The following ZZZ3 variants were observed in gnomAD, a reference collection of about 807,000 sequenced individuals.
The protein encoded by ZZZ3 is ZZ-type zinc finger-containing protein 3.
In ZZZ3, 22 loss-of-function variants were observed where a neutral mutation model predicts 95.2. The ratio of observed to expected loss-of-function variants is 0.23; its 90% CI spans 0.17 to 0.33. The LOEUF (loss-of-function observed/expected upper bound fraction) is 0.33, where lower values mean the gene tolerates loss of function less well. Ranked by LOEUF, ZZZ3 falls within the 10% of genes least tolerant of loss-of-function variation. The pLI is 1.00. For missense variants in ZZZ3, 885 were observed against 1,066.5 expected, an observed-to-expected ratio of 0.83 and a Z score of 2.37; for synonymous variants, 335 against 358.9, an observed-to-expected ratio of 0.93 and a Z score of 0.75.
At chr1:77,643,854 T>A (rs1669005242) in intron 1 of ZZZ3, among the ~76,000 whole-genome samples, 1 of 152,156 alleles carries the variant, frequency 6.6e-6, no homozygotes, top group Non-Finnish European at 1.5e-5. Flanking sequence ...CTCAGGCAAA[T>A]TATTTTTTAG....
chr1:77,682,168 A>T (rs1350817523), intron 1 of ZZZ3, among the ~76,000 whole-genome samples: 2 of 152,232 alleles, frequency 1.3e-5, no homozygotes, highest in African/African-American at 4.8e-5. Flanking sequence ...AATGACACCC[A>T]GAGAAAATAG....
At position 77,564,593 on chromosome 1, in the gene ZZZ3, TAAG is replaced by T. The variant is rs1321396769; in HGVS notation, c.*1044_*1046del. 12 of 152,598 alleles carry T rather than the reference TAAG, an allele frequency of 7.9e-5. No individual in the cohort carries two copies. Among genetic ancestry groups the T allele is most frequent in the Non-Finnish European group, 1.2e-4 (8 of 68,000 alleles). 9.5% of individuals were successfully genotyped at this position (152,598 alleles called of 1,614,324 possible). A position where few individuals can be genotyped will look rare whatever the true frequency, so the allele number is the denominator to read the frequency against. On this transcript the variant is annotated 3_prime_UTR_variant, in exon 15 of 15. Coordinates refer to ENST00000370801, the MANE Select transcript of ZZZ3 (RefSeq NM_015534.6). ...TTCAAGAACATACTGTATACACAGATAAGAAGAAACATACAAAATGTTTTAAAT... is the reference window on the plus strand; with the variant it reads ...TTCAAGAACATACTGTATACACAGATAAGAAACATACAAAATGTTTTAAAT...
rs1177347707 is a variant in ZZZ3 at position 77,562,558 on chromosome 1, T to C, written c.*3082A>G. 6.6e-6 allele frequency: 1 copy of C among 152,238 alleles called. No individual in the cohort carries two copies. Among genetic ancestry groups the C allele is most frequent in the African/African-American group, 2.4e-5 (1 of 41,464 alleles). 9.4% of individuals were successfully genotyped at this position (152,238 alleles called of 1,614,324 possible). A position where few individuals can be genotyped will look rare whatever the true frequency, so the allele number is the denominator to read the frequency against. On this transcript the variant is annotated 3_prime_UTR_variant, in exon 15 of 15. Transcript: ENST00000370801. The stretch of plus-strand genomic sequence containing the variant: ...TTTTCAAATGTTCATACCTAGTAAA[T>C]TTTTGTGTTCTGTGAATCAATTTAA...
intron 5 of ZZZ3, among the ~76,000 whole-genome samples, chr1:77,605,769 C>G (rs557775130): frequency 1.3e-5 from 2 of 152,226 alleles, no homozygotes; most frequent in East Asian, 3.9e-4. Context: ...AGGGAAGGAA[C>G]CAGTCCTGGC....
At chr1:77,565,900 C>T (rs2100444632) in intron 14 of ZZZ3, 116 bp from the exon 15 acceptor site, 2 of 1,247,834 alleles carry the variant, frequency 1.6e-6, no homozygotes, top group Non-Finnish European at 1.1e-6. Flanking sequence ...TCAAAATCTC[C>T]AACGGAAAGT....
chr1:77,675,600 T>C (rs890101772), intron 1 of ZZZ3, among the ~76,000 whole-genome samples: 1 of 143,446 alleles, frequency 7.0e-6, no homozygotes, highest in Non-Finnish European at 1.6e-5. Flanking sequence ...CAGGACACAC[T>C]TTTTTTTTTT....
At chr1:77,589,406 G>C (rs1263870344) in intron 5 of ZZZ3, among the ~76,000 whole-genome samples, 1 of 148,862 alleles carries the variant, frequency 6.7e-6, no homozygotes, top group Admixed American at 6.8e-5. Context: ...GCAATCTGGA[G>C]GTTGATTTTA....
intron 13 of ZZZ3, 81 bp from the exon 14 acceptor site, chr1:77,566,262 G>A: frequency 4.3e-6 from 4 of 925,328 alleles, no homozygotes; most frequent in Non-Finnish European, 6.7e-6. Flanking sequence ...AACACATGAT[G>A]TGCACACAGA....
intron 8 of ZZZ3, among the ~76,000 whole-genome samples, chr1:77,581,429 A>G (rs1662511088): frequency 6.6e-6 from 1 of 152,198 alleles, no homozygotes; most frequent in South Asian, 2.1e-4. Context: ...CACTACACAC[A>G]AAGGAACTAC....
chr1:77,658,140 C>G (rs1326732822), intron 1 of ZZZ3, among the ~76,000 whole-genome samples: 1 of 140,934 alleles, frequency 7.1e-6, no homozygotes, highest in Admixed American at 7.6e-5. Context: ...GATTACGCCA[C>G]TGCATTCCAG....
At position 77,584,563 on chromosome 1, in the gene ZZZ3, T is replaced by C. The variant is rs776135237; in HGVS notation, c.1598A>G (p.Glu533Gly). ...AAATCCAATGGGATTTTTCAGTGCT[T>C]CTCTCTGGTGCCTGCCTAAACTTTC... ...DLESLGRHQREALKNPIGFVE... is the reference protein window; with the variant it reads ...DLESLGRHQRGALKNPIGFVE... Residue 533 changes from glutamate (E) to glycine (G), a missense_variant, in exon 6 of 15, where the codon GAA (glutamate) becomes GGA (glycine). This residue lies in a region of ZZZ3 where 556 missense variants were observed against 652.9 expected (regional missense o/e 0.85). Coordinates refer to ENST00000370801, the MANE Select transcript of ZZZ3 (RefSeq NM_015534.6). 1.2e-6 allele frequency: 2 copies of C among 1,613,464 alleles called. No individual in the cohort carries two copies. The highest frequency in any genetic ancestry group is 1.7e-6 in the Non-Finnish European group (2 of 1,179,802).
At chr1:77,590,859 A>G (rs74090667) in intron 5 of ZZZ3, among the ~76,000 whole-genome samples, 103 of 152,348 alleles carry the variant, frequency 6.8e-4, no homozygotes, top group African/African-American at 2.3e-3. Flanking sequence ...TGACTAAGCA[A>G]TTTTAAAAGT....
At chr1:77,631,044 T>C (rs759530050) in intron 5 of ZZZ3, among the ~76,000 whole-genome samples, 1 of 152,264 alleles carries the variant, frequency 6.6e-6, no homozygotes, top group Non-Finnish European at 1.5e-5. Flanking sequence ...CTGTGTGTTC[T>C]AGTTCTTTTC....
chr1:77,603,798 G>C (rs1205775220), intron 5 of ZZZ3, among the ~76,000 whole-genome samples: 1 of 152,122 alleles, frequency 6.6e-6, no homozygotes, highest in Non-Finnish European at 1.5e-5. Context: ...GAATATTTCA[G>C]ATCTCAGATC....
intron 13 of ZZZ3, among the ~76,000 whole-genome samples, chr1:77,566,675 A>G (rs1325999455): frequency 6.6e-6 from 1 of 152,222 alleles, no homozygotes; most frequent in Non-Finnish European, 1.5e-5. Flanking sequence ...CTTGGCTAAC[A>G]TAAACCCAGG....
intron 1 of ZZZ3, among the ~76,000 whole-genome samples, chr1:77,673,715 C>T (rs1671995155): frequency 6.6e-6 from 1 of 152,152 alleles, no homozygotes; most frequent in African/African-American, 2.4e-5. Context: ...TTATAATCTA[C>T]ACACCACAAT....
At chr1:77,648,250 G>A (rs1009384488) in intron 1 of ZZZ3, among the ~76,000 whole-genome samples, 1 of 151,192 alleles carries the variant, frequency 6.6e-6, no homozygotes, top group African/African-American at 2.4e-5. Context: ...TTGGGAGGCC[G>A]AGGTGGGAGT....
At chr1:77,648,282 G>A (rs1200588739) in intron 1 of ZZZ3, among the ~76,000 whole-genome samples, 4 of 149,446 alleles carry the variant, frequency 2.7e-5, no homozygotes, top group African/African-American at 9.9e-5. Context: ...CCAGGAGGTT[G>A]AGGCTGCAAT....
At chr1:77,638,112 G>A (rs369629124) in intron 4 of ZZZ3, among the ~76,000 whole-genome samples, 1 of 152,150 alleles carries the variant, frequency 6.6e-6, no homozygotes, top group South Asian at 2.1e-4. Flanking sequence ...AGAAAAAAGA[G>A]TGTGGTCAGT....
Sources: gnomAD v4.1 joint callset for allele counts (sites outside exome capture counted in the v4.1 genomes callset) on GRCh38, gnomAD v4.1.1 for gene constraint, gnomAD v4.1.1 regional missense constraint, MANE v1.5 for transcripts, NCBI Gene and HGNC (gene_info 2026-07-23, HGNC 2026-07-21) for gene names.